The following LRMDA variants were observed in gnomAD, a reference collection of about 807,000 sequenced individuals.
LRMDA encodes the protein leucine-rich melanocyte differentiation-associated protein.
LRMDA carries 18 observed loss-of-function variants against 29.8 expected under a neutral mutation model. The observed-to-expected ratio is 0.60, with a 90% CI of 0.42 to 0.90. The LOEUF is 0.90. Among genes scored for constraint, LRMDA ranks in the 40% least tolerant of loss-of-function variants. The pLI, the probability that LRMDA is intolerant of heterozygous loss-of-function variation, is 0.00. For synonymous variants in LRMDA, 125 were observed against 109.4 expected (o/e 1.14, Z -0.89); for missense variants, 273 against 273.9 (o/e 1.00, Z 0.02).
At chr10:75,548,931 C>T (rs1406697415) in intron 2 of LRMDA, among the ~76,000 whole-genome samples, 1 of 152,092 alleles carries the variant, frequency 6.6e-6, no homozygotes, top group Non-Finnish European at 1.5e-5. Flanking sequence ...TTTATTATTA[C>T]TGTTATTAGT....
chr10:75,452,730 A>C (rs566014638), intron 2 of LRMDA, among the ~76,000 whole-genome samples: 20 of 152,160 alleles, frequency 1.3e-4, no homozygotes, highest in African/African-American at 4.8e-4. Context: ...GCCTGACTTG[A>C]AGGGAGTTTG....
intron 6 of LRMDA, among the ~76,000 whole-genome samples, chr10:76,420,659 T>G (rs767696122): frequency 6.6e-6 from 1 of 152,132 alleles, no homozygotes; most frequent in Non-Finnish European, 1.5e-5. Context: ...TATATGCATT[T>G]ATTGATATAT....
At chr10:76,373,350 G>T (rs549110550) in intron 6 of LRMDA, among the ~76,000 whole-genome samples, 1 of 152,222 alleles carries the variant, frequency 6.6e-6, no homozygotes, top group South Asian at 2.1e-4. Flanking sequence ...GAGTAGGCTT[G>T]TTGCCTTGCT....
chr10:75,574,224 G>A (rs771261441), intron 2 of LRMDA, among the ~76,000 whole-genome samples: 1 of 152,242 alleles, frequency 6.6e-6, no homozygotes, highest in Middle Eastern at 3.4e-3. Context: ...GGCTCCTGTG[G>A]TATAGGCTTT....
chr10:76,385,059 A>G (rs1841643045), intron 6 of LRMDA, among the ~76,000 whole-genome samples: 1 of 152,194 alleles, frequency 6.6e-6, no homozygotes, highest in African/African-American at 2.4e-5. Context: ...TTCCAATAGC[A>G]AGAGTATTAT....
chr10:75,759,665 G>T (rs1843072229), intron 2 of LRMDA, among the ~76,000 whole-genome samples: 1 of 152,174 alleles, frequency 6.6e-6, no homozygotes, highest in South Asian at 2.1e-4. Flanking sequence ...ACTTTGTTAT[G>T]TGATATTTTA....
intron 2 of LRMDA, among the ~76,000 whole-genome samples, chr10:75,610,552 A>G (rs1270521747): frequency 6.6e-6 from 1 of 152,096 alleles, no homozygotes; most frequent in Admixed American, 6.6e-5. Context: ...TTAATTTTAT[A>G]GTCTCATCGT....
At chr10:76,178,156 C>T (rs567867762) in intron 5 of LRMDA, among the ~76,000 whole-genome samples, 5 of 152,286 alleles carry the variant, frequency 3.3e-5, no homozygotes, top group African/African-American at 7.2e-5. Flanking sequence ...GTGGCCCTTG[C>T]GATACCCTGT....
intron 5 of LRMDA, among the ~76,000 whole-genome samples, chr10:76,114,621 G>T (rs1392459679): frequency 6.6e-6 from 1 of 152,174 alleles, no homozygotes; most frequent in African/African-American, 2.4e-5. Flanking sequence ...ACATAGGTAG[G>T]AGAGTCCCCA....
chr10:76,084,572 T>C (rs1849104738), intron 5 of LRMDA, among the ~76,000 whole-genome samples: 1 of 151,974 alleles, frequency 6.6e-6, no homozygotes, highest in South Asian at 2.1e-4. Flanking sequence ...TTTCAATCAT[T>C]GTGACCTTTG....
intron 2 of LRMDA, among the ~76,000 whole-genome samples, chr10:75,456,107 G>C (rs1363465271): frequency 3.3e-5 from 5 of 152,234 alleles, no homozygotes; most frequent in African/African-American, 1.2e-4. Flanking sequence ...AGGACTCAAG[G>C]TATGGGTTCT....
At chr10:76,537,617 C>T (rs1056912855) in intron 6 of LRMDA, among the ~76,000 whole-genome samples, 10 of 152,212 alleles carry the variant, frequency 6.6e-5, no homozygotes, top group African/African-American at 2.2e-4. Flanking sequence ...GCTCTGACGG[C>T]TTTTCCATCG....
In LRMDA at chr10:75,634,143, C is replaced by T. The variant is rs536303671; in HGVS notation, c.131+195649C>T. 1.4e-4 allele frequency among the ~76,000 whole-genome samples: 22 copies of T among 152,302 alleles called. No homozygotes were observed. The South Asian group carries it at 2.3e-3, about 16-fold the overall frequency. On this transcript the variant is annotated intron_variant, in intron 2 of 6. Transcript: ENST00000611255. ...GTAAACTAGCACTGGAGACTTAACA[C>T]GATACAGACTCTTTACCTCAAATCA... is the stretch of plus-strand genomic sequence containing the variant.
At chr10:75,761,188 G>T (rs550642763) in intron 2 of LRMDA, among the ~76,000 whole-genome samples, 1 of 152,322 alleles carries the variant, frequency 6.6e-6, no homozygotes, top group South Asian at 2.1e-4. Context: ...TTCTGGGTCT[G>T]TAACCAAAAT....
At chr10:76,413,021 T>G (rs956733462) in intron 6 of LRMDA, among the ~76,000 whole-genome samples, 3 of 152,154 alleles carry the variant, frequency 2.0e-5, no homozygotes, top group Non-Finnish European at 4.4e-5. Flanking sequence ...TTACTGACTC[T>G]TTGGATGAGT....
chr10:75,517,164 G>T (rs1845299992), intron 2 of LRMDA, among the ~76,000 whole-genome samples: 1 of 152,080 alleles, frequency 6.6e-6, no homozygotes, highest in South Asian at 2.1e-4. Flanking sequence ...TTTTGCTTAG[G>T]ATTGTCTTGG....
chr10:76,403,810 A>G (rs1841874426), intron 6 of LRMDA, among the ~76,000 whole-genome samples: 2 of 152,134 alleles, frequency 1.3e-5, no homozygotes, highest in African/African-American at 4.8e-5. Flanking sequence ...GTGCAGTGAA[A>G]GGGTTAATTA....
chr10:76,318,666 A>G (rs1840730295), intron 5 of LRMDA: 1 of 152,296 alleles, frequency 6.6e-6, no homozygotes, highest in Non-Finnish European at 1.5e-5. Context: ...TAGACAGGAT[A>G]TGGCTGTTCC....
At chr10:76,176,049 A>C (rs753180089) in intron 5 of LRMDA, among the ~76,000 whole-genome samples, 1 of 152,168 alleles carries the variant, frequency 6.6e-6, no homozygotes, top group East Asian at 1.9e-4. Flanking sequence ...GCATGCTACC[A>C]ATTTCTTTCA....
Sources: allele counts gnomAD v4.1 joint callset (sites outside exome capture counted in the v4.1 genomes callset), GRCh38; gene constraint gnomAD v4.1.1; transcripts MANE v1.5; gene names NCBI Gene and HGNC (gene_info 2026-07-23, HGNC 2026-07-21).